The following ERAP1 variants were observed in gnomAD, a reference collection of about 807,000 sequenced individuals.
ERAP1 encodes the protein endoplasmic reticulum aminopeptidase 1, also known as adipocyte-derived leucine aminopeptidase.
In ERAP1, 86 loss-of-function variants were observed where a neutral mutation model predicts 103.7. The ratio of observed to expected loss-of-function variants is 0.83; its 90% CI spans 0.70 to 0.99. The LOEUF (loss-of-function observed/expected upper bound fraction) is 0.99, where lower values mean the gene tolerates loss of function less well. Ranked by LOEUF, ERAP1 falls within the 50% of genes least tolerant of loss-of-function variation. The pLI is 0.00. For synonymous variants in ERAP1, 398 were observed against 402.4 expected, an observed-to-expected ratio of 0.99 and a Z score of 0.13; for missense variants, 1,009 against 1,128.4, an observed-to-expected ratio of 0.89 and a Z score of 1.52.
At chr5:96,807,520 C>T (rs946622905) in intron 1 of ERAP1, among the ~76,000 whole-genome samples, 1 of 152,144 alleles carries the variant, frequency 6.6e-6, no homozygotes, top group Non-Finnish European at 1.5e-5. Flanking sequence ...GGCCGAACAG[C>T]GGGGAGACCC....
chr5:96,796,449 T>C (rs1183522395), intron 4 of ERAP1, among the ~76,000 whole-genome samples: 1 of 152,186 alleles, frequency 6.6e-6, no homozygotes, highest in East Asian at 1.9e-4. Context: ...TTCCTTACCA[T>C]AGCCAGAAAT....
chr5:96,824,078 A>G, the ERAP1 span, among the ~76,000 whole-genome samples: 1 of 152,180 alleles, frequency 6.6e-6, no homozygotes, highest in Admixed American at 6.5e-5. Flanking sequence ...ATTTTATCAC[A>G]CTACTCAGAA....
chr5:96,836,242 C>T, the ERAP1 span, among the ~76,000 whole-genome samples: 1 of 143,772 alleles, frequency 7.0e-6, no homozygotes, highest in Non-Finnish European at 1.5e-5. Context: ...CACTCTGTCA[C>T]CCAGACTGGA....
At chr5:96,805,306 C>T (rs7721279) in intron 1 of ERAP1, among the ~76,000 whole-genome samples, 18 of 149,510 alleles carry the variant, frequency 1.2e-4, no homozygotes, top group African/African-American at 3.9e-4. Flanking sequence ...GTGATAAGAT[C>T]GGGGTATGGT....
chr5:96,776,634 T>G, intron 18 of ERAP1, 83 bp from the exon 19 acceptor site: 1 of 1,559,102 alleles, frequency 6.4e-7, no homozygotes, highest in Non-Finnish European at 8.6e-7. Flanking sequence ...AAGCCAAAAT[T>G]CCAGCATTTG....
downstream of ERAP1, chr5:96,770,652 G>A (rs369948335): frequency 1.5e-4 from 179 of 1,225,088 alleles, 1 homozygote; most frequent in Non-Finnish European, 2.1e-4. Flanking sequence ...GTTACACAGA[G>A]TAGGGTTTAT....
intron 19 of ERAP1, among the ~76,000 whole-genome samples, chr5:96,764,988 G>A (rs1282158668): frequency 6.6e-6 from 1 of 151,982 alleles, no homozygotes; most frequent in Non-Finnish European, 1.5e-5. Flanking sequence ...AGGGTTGGGT[G>A]GAAGGTGCTG....
chr5:96,913,829 T>C, the ERAP1 span, among the ~76,000 whole-genome samples: 1 of 152,222 alleles, frequency 6.6e-6, no homozygotes, highest in Non-Finnish European at 1.5e-5. Flanking sequence ...CCTCATTTGT[T>C]AATGCAGTTT....
the ERAP1 span, among the ~76,000 whole-genome samples, chr5:96,840,853 G>A: frequency 1.9e-4 from 29 of 151,998 alleles, no homozygotes; most frequent in South Asian, 1.7e-3. Context: ...CTACAGGCGC[G>A]CACCACCACA....
At chr5:96,863,847 T>TA in the ERAP1 span, among the ~76,000 whole-genome samples, 46,589 of 151,478 alleles carry the variant, frequency 0.31, 8,373 homozygotes, top group East Asian at 0.57. Flanking sequence ...AAATCTTATT[T>TA]AAAAAAAAAT....
chr5:96,802,932 C>T (rs1732942013), intron 2 of ERAP1, among the ~76,000 whole-genome samples: 1 of 151,920 alleles, frequency 6.6e-6, no homozygotes, highest in Non-Finnish European at 1.5e-5. Context: ...GATCCACGGC[C>T]ACCACTAGAT....
At chr5:96,870,392 T>C in the ERAP1 span, among the ~76,000 whole-genome samples, 1 of 152,234 alleles carries the variant, frequency 6.6e-6, no homozygotes, top group South Asian at 2.1e-4. Context: ...CTTCAGGTCC[T>C]GGCTAATATG....
At chr5:96,933,946 A>G in the ERAP1 span, among the ~76,000 whole-genome samples, 1 of 152,222 alleles carries the variant, frequency 6.6e-6, no homozygotes, top group African/African-American at 2.4e-5. Flanking sequence ...CCTTTCACAC[A>G]TTAGGGAGAT....
the ERAP1 span, chr5:96,892,553 T>A: frequency 3.6e-6 from 5 of 1,388,546 alleles, no homozygotes; most frequent in Non-Finnish European, 3.9e-6. Flanking sequence ...CTCATTTACC[T>A]CTAGAGGGGA....
the ERAP1 span, among the ~76,000 whole-genome samples, chr5:96,932,473 T>C: frequency 6.6e-6 from 1 of 152,232 alleles, no homozygotes; most frequent in Non-Finnish European, 1.5e-5. Context: ...GCTATATTTC[T>C]CTCTATTCCA....
At chr5:96,804,224 C>G in intron 1 of ERAP1, 3 of 436,582 alleles carry the variant, frequency 6.9e-6, no homozygotes, top group Non-Finnish European at 4.2e-6. Flanking sequence ...TGAAAGCAAC[C>G]GAACAAGCTC....
chr5:96,910,802 A>G, the ERAP1 span, among the ~76,000 whole-genome samples: 84 of 152,366 alleles, frequency 5.5e-4, no homozygotes, highest in South Asian at 0.017. Context: ...TACATAGATT[A>G]ATTGATTACT....
the ERAP1 span, chr5:96,903,563 A>G: frequency 1.4e-5 from 23 of 1,589,098 alleles, no homozygotes; most frequent in Middle Eastern, 1.7e-4. Context: ...CTAGTTGGGT[A>G]AGGCAACATT....
At chr5:96,768,719 T>C (rs1476686180) in intron 19 of ERAP1, among the ~76,000 whole-genome samples, 1 of 152,216 alleles carries the variant, frequency 6.6e-6, no homozygotes, top group Non-Finnish European at 1.5e-5. Context: ...ATTTGCTCTC[T>C]GGAGCTTCCT....
Sources: gnomAD v4.1 joint callset for allele counts (sites outside exome capture counted in the v4.1 genomes callset) on GRCh38, gnomAD v4.1.1 for gene constraint, MANE v1.5 for transcripts, NCBI Gene and HGNC (gene_info 2026-07-23, HGNC 2026-07-21) for gene names.